Variants in MIX23 observed in about 807,000 individuals in gnomAD.
MIX23 encodes protein MIX23.
MIX23 carries 13 observed loss-of-function variants against 21.6 expected under a neutral mutation model. That is an observed-to-expected ratio of 0.60 (90% CI 0.39 to 0.96). The LOEUF (loss-of-function observed/expected upper bound fraction) is 0.96, where lower values mean the gene tolerates loss of function less well. MIX23 is among the 40% of genes least tolerant of loss of function. MIX23 has a pLI of 0.00. For missense variants in MIX23, 144 were observed against 171.2 expected (o/e 0.84, Z 0.89); for synonymous variants, 59 against 58.0 (o/e 1.02, Z -0.08).
At chr3:122,375,413 T>C (rs892862842) in intron 1 of MIX23, among the ~76,000 whole-genome samples, 1 of 152,232 alleles carries the variant, frequency 6.6e-6, no homozygotes, top group Non-Finnish European at 1.5e-5. Context: ...TTACTGTTCA[T>C]TGTCTGTATG....
At chr3:122,361,450 C>T (rs1047372389) in intron 4 of MIX23, among the ~76,000 whole-genome samples, 4 of 152,102 alleles carry the variant, frequency 2.6e-5, no homozygotes, top group Non-Finnish European at 4.4e-5. Context: ...AATCCTTTTC[C>T]CAAATGATTT....
intron 4 of MIX23, among the ~76,000 whole-genome samples, chr3:122,361,884 G>A (rs142348711): frequency 4.8e-4 from 73 of 152,184 alleles, no homozygotes; most frequent in African/African-American, 1.4e-3. Context: ...TCAGCAAGCC[G>A]GTACATTCTG....
intron 1 of MIX23, among the ~76,000 whole-genome samples, chr3:122,373,520 G>A (rs1030050097): frequency 4.6e-5 from 7 of 152,006 alleles, no homozygotes; most frequent in Non-Finnish European, 1.0e-4. Flanking sequence ...GCGATCCACC[G>A]GCCTCAGCCT....
chr3:122,365,091 A>G (rs1366277102), intron 3 of MIX23, among the ~76,000 whole-genome samples: 1 of 152,190 alleles, frequency 6.6e-6, no homozygotes, highest in African/African-American at 2.4e-5. Flanking sequence ...GTTGTCTTTG[A>G]GACTGTAGGT....
intron 1 of MIX23, among the ~76,000 whole-genome samples, chr3:122,372,703 A>T (rs1156282393): frequency 1.3e-5 from 2 of 152,090 alleles, no homozygotes; most frequent in African/African-American, 2.4e-5. Context: ...ATGGTGACTC[A>T]TGCCTACAAT....
intron 4 of MIX23, among the ~76,000 whole-genome samples, 183 bp downstream of exon 4, chr3:122,362,785 G>A (rs2075367360): frequency 6.6e-6 from 1 of 151,920 alleles, no homozygotes; most frequent in African/African-American, 2.4e-5. Context: ...GATGCTAACT[G>A]CATCCTGCTC....
At chr3:122,368,464 G>T in intron 2 of MIX23, 142 bp from the exon 3 acceptor site, 2 of 863,462 alleles carry the variant, frequency 2.3e-6, no homozygotes, top group Non-Finnish European at 3.4e-6. Context: ...TGAAAGAGAA[G>T]ATTGTGTTGA....
chr3:122,361,548 G>A (rs1320743253), intron 4 of MIX23, among the ~76,000 whole-genome samples: 1 of 152,136 alleles, frequency 6.6e-6, no homozygotes, highest in Non-Finnish European at 1.5e-5. Context: ...ATCTTCTGTG[G>A]AGTGGATAGA....
rs748706473 is a variant in MIX23, at chr3:122,368,233, T to C, written c.267A>G (p.Arg89=). The stretch of plus-strand genomic sequence containing the variant: ...ACGTTAAATCGTCCAAATTCTTTTC[T>C]CTCTCTTCTCGGAGGTTTTTTACTA... The part of the protein sequence containing the change: ...SAVVKNLREE[R]EKNLDDLTLL... The change falls in exon 3 of 5, where the codon AGA becomes AGG. Residue 89 remains arginine, a synonymous_variant. Transcript: ENST00000291458. The C allele has an allele frequency of 5.0e-6, 8 of 1,610,302 alleles. No individual in the cohort carries two copies. The African/African-American group carries it at 9.4e-5, about 19-fold the overall frequency.
chr3:122,360,086 G>A (rs1316015626), intron 4 of MIX23, among the ~76,000 whole-genome samples, 167 bp from the exon 5 acceptor site: 1 of 152,056 alleles, frequency 6.6e-6, no homozygotes, highest in East Asian at 1.9e-4. Context: ...GACTTATGAG[G>A]TGCCAAATGC....
intron 1 of MIX23, among the ~76,000 whole-genome samples, chr3:122,376,839 G>GA (rs2075491338): frequency 6.6e-6 from 1 of 152,144 alleles, no homozygotes; most frequent in African/African-American, 2.4e-5. Context: ...AAGGTGGGGG[G>GA]TGAAAAATTA....
chr3:122,362,261 C>T (rs372203369), intron 4 of MIX23, among the ~76,000 whole-genome samples: 2 of 151,904 alleles, frequency 1.3e-5, no homozygotes, highest in South Asian at 2.1e-4. Flanking sequence ...GACAAGCAAC[C>T]GTATAGGTTA....
intron 4 of MIX23, 54 bp from the exon 5 acceptor site, chr3:122,359,973 C>G (rs2075346268): frequency 6.6e-7 from 1 of 1,506,240 alleles, no homozygotes; most frequent in African/African-American, 1.4e-5. Context: ...GTAAATCAGG[C>G]CTGGAACTAA....
chr3:122,382,702 A>T (rs907761372), intron 1 of MIX23, among the ~76,000 whole-genome samples: 2 of 152,248 alleles, frequency 1.3e-5, no homozygotes, highest in African/African-American at 4.8e-5. Flanking sequence ...TACTATAATT[A>T]ATCCTCCCTC....
chr3:122,366,154 G>T (rs1161868354), intron 3 of MIX23, among the ~76,000 whole-genome samples: 2 of 151,178 alleles, frequency 1.3e-5, no homozygotes, highest in African/African-American at 4.9e-5. Flanking sequence ...CTCCAGCCCA[G>T]GCGATAGTGC....
In MIX23 at chr3:122,359,869, T is replaced by C; in HGVS notation, c.435A>G (p.Ter145=). The C allele has an allele frequency of 6.7e-7, 1 of 1,490,216 alleles. No individual in the cohort carries two copies. Among genetic ancestry groups the C allele is most frequent in the Non-Finnish European group, 9.1e-7 (1 of 1,100,862 alleles). The allele number at this position is 1,490,216 out of a possible 1,614,324, so 92.3% of individuals were successfully genotyped here. ...AAAAAAAAAAAAAAAGAATCTCTCT[T>C]TATTCATTCTTTGGAGGCTTGAAGT... The part of the protein sequence containing the change: ...RIHFKPPKNE[*] Residue 145 remains the stop codon, a stop_retained_variant, in exon 5 of 5, where the codon TAA becomes TAG. Coordinates refer to ENST00000291458, the MANE Select transcript of MIX23 (RefSeq NM_001017928.4).
At chr3:122,381,743 A>G (rs1026349429) in intron 1 of MIX23, among the ~76,000 whole-genome samples, 3 of 151,390 alleles carry the variant, frequency 2.0e-5, no homozygotes, top group Admixed American at 1.3e-4. Flanking sequence ...AAAAAAAAAA[A>G]AAGAAGAGGA....
At chr3:122,382,990 T>A (rs904076611) in intron 1 of MIX23, among the ~76,000 whole-genome samples, 184 bp downstream of exon 1, 11 of 152,038 alleles carry the variant, frequency 7.2e-5, no homozygotes, top group African/African-American at 2.7e-4. Context: ...TCCTCCCTCC[T>A]CCTACAGAGC....
chr3:122,382,553 T>A (rs532325097), intron 1 of MIX23, among the ~76,000 whole-genome samples: 6 of 152,352 alleles, frequency 3.9e-5, no homozygotes, highest in African/African-American at 1.4e-4. Flanking sequence ...ATAACTTTAA[T>A]GGCAACTTGG....
Sources: allele counts gnomAD v4.1 joint callset (sites outside exome capture counted in the v4.1 genomes callset), GRCh38; gene constraint gnomAD v4.1.1; transcripts MANE v1.5; gene names NCBI Gene and HGNC (gene_info 2026-07-23, HGNC 2026-07-21).